REEP3: variants seen among roughly 807,000 people sequenced by gnomAD.
REEP3 encodes receptor expression-enhancing protein 3.
In REEP3, 20 loss-of-function variants were observed where a neutral mutation model predicts 41.3. The observed-to-expected ratio is 0.48, with a 90% CI of 0.34 to 0.70. The LOEUF is 0.70. Among genes scored for constraint, REEP3 ranks in the 30% least tolerant of loss-of-function variants. The pLI, the probability that REEP3 is intolerant of heterozygous loss-of-function variation, is 0.01. For synonymous variants in REEP3, 104 were observed against 101.8 expected, an observed-to-expected ratio of 1.02 and a Z score of -0.13; for missense variants, 271 against 308.8, an observed-to-expected ratio of 0.88 and a Z score of 0.92.
chr10:63,595,877 T>C (rs1294768968), intron 3 of REEP3, among the ~76,000 whole-genome samples: 2 of 152,204 alleles, frequency 1.3e-5, no homozygotes, highest in Non-Finnish European at 2.9e-5. Context: ...TGCACCCAGC[T>C]AAAATGACTC....
intron 3 of REEP3, 30 bp from the exon 4 acceptor site, chr10:63,597,994 C>G: frequency 6.4e-7 from 1 of 1,562,266 alleles, no homozygotes; most frequent in East Asian, 2.3e-5. Context: ...TTTTCACTGG[C>G]AGTTTATTTC....
chr10:63,591,918 T>C (rs1341245892), intron 2 of REEP3, among the ~76,000 whole-genome samples: 1 of 152,258 alleles, frequency 6.6e-6, no homozygotes, highest in Non-Finnish European at 1.5e-5. Flanking sequence ...TTATAGTTGT[T>C]ATCCCCTTGG....
intron 5 of REEP3, among the ~76,000 whole-genome samples, chr10:63,600,919 C>G (rs1031370064): frequency 2.6e-5 from 4 of 151,764 alleles, no homozygotes; most frequent in Admixed American, 6.6e-5. Context: ...TTTGGGAGGC[C>G]GAGGCAGATG....
chr10:63,521,704 G>A (rs927978842), intron 1 of REEP3, 127 bp downstream of exon 1: 2 of 567,262 alleles, frequency 3.5e-6, no homozygotes, highest in Non-Finnish European at 5.3e-6. Flanking sequence ...CCTCGGGCCT[G>A]CCGAGGGTCT....
Position 63,603,892 on chromosome 10 carries a change from C to T in REEP3, c.417+4609C>T, listed in dbSNP as rs1323893929. 3.3e-5 allele frequency among the ~76,000 whole-genome samples: 5 copies of T among 152,256 alleles called. No individual in the cohort carries two copies. In the East Asian group the frequency reaches 9.6e-4, roughly 29 times the overall value. On this transcript the variant is annotated intron_variant, in intron 5 of 7. Transcript: ENST00000373758. ...TGCAGATGTCAAACAAGGGCATTGT[C>T]ATAGAAGAATCACTGAACCAGACAC...
intron 1 of REEP3, among the ~76,000 whole-genome samples, chr10:63,527,450 T>G (rs1365000018): frequency 6.6e-6 from 1 of 152,056 alleles, no homozygotes; most frequent in Non-Finnish European, 1.5e-5. Flanking sequence ...TGCGTATAGA[T>G]TACCTCAGCT....
chr10:63,587,241 A>G (rs1043029451), intron 2 of REEP3, among the ~76,000 whole-genome samples: 1 of 152,198 alleles, frequency 6.6e-6, no homozygotes, highest in Non-Finnish European at 1.5e-5. Context: ...CTGCATGAGA[A>G]CATCAATCCT....
chr10:63,528,839 G>A (rs1014684475), intron 1 of REEP3, among the ~76,000 whole-genome samples: 3 of 152,066 alleles, frequency 2.0e-5, no homozygotes, highest in East Asian at 1.9e-4. Flanking sequence ...TCATTCCCTC[G>A]CTTCCTTCAG....
At chr10:63,609,988 G>T (rs1405389255) in intron 5 of REEP3, among the ~76,000 whole-genome samples, 199 bp from the exon 6 acceptor site, 1 of 152,076 alleles carries the variant, frequency 6.6e-6, no homozygotes, top group Non-Finnish European at 1.5e-5. Flanking sequence ...TGAAATGCAT[G>T]AAAAAATAAA....
rs577536120 is a variant in REEP3 at position 63,599,304 on chromosome 10, T to A, written c.417+21T>A. 4.6e-6 allele frequency: 5 copies of A among 1,098,668 alleles called. No individual in the cohort carries two copies. The African/African-American group carries it at 6.5e-5, about 14-fold the overall frequency. The allele number at this position is 1,098,668 out of a possible 1,614,324, so 68.1% of individuals were successfully genotyped here. On this transcript the variant is annotated intron_variant, in intron 5 of 7. Transcript: ENST00000373758. ...TAAAGGTAATTGTTCATTTACCTTTTTAATCCAATGTCATATTAAGTCAAC... is the reference window on the plus strand; with the variant it reads ...TAAAGGTAATTGTTCATTTACCTTTATAATCCAATGTCATATTAAGTCAAC...
At chr10:63,584,347 G>A (rs1955983213) in intron 2 of REEP3, among the ~76,000 whole-genome samples, 2 of 151,766 alleles carry the variant, frequency 1.3e-5, no homozygotes, top group African/African-American at 2.4e-5. Flanking sequence ...AGATGGGCAT[G>A]GGGGGAGAAG....
chr10:63,561,337 G>A (rs1589867461), intron 1 of REEP3, among the ~76,000 whole-genome samples: 2 of 151,240 alleles, frequency 1.3e-5, no homozygotes, highest in South Asian at 4.2e-4. Flanking sequence ...ATGGAGGAAG[G>A]GTAGATCTTG....
In REEP3 at chr10:63,623,806, TAAA is replaced by T. The variant is rs1956375349; in HGVS notation, c.*2941_*2943del. ...GTGTGTGTGTGTGTGTGTATTTGGC[TAAA>T]AAATTATACTGCCAAAATTACTGAT... On this transcript the variant is annotated 3_prime_UTR_variant, in exon 8 of 8. Transcript: ENST00000373758. The T allele has an allele frequency of 6.5e-6, 1 of 153,002 alleles. No individual in the cohort carries two copies. The highest frequency in any genetic ancestry group is 6.6e-5 in the Admixed American group (1 of 15,136). The allele number at this position is 153,002 out of a possible 1,614,324, so 9.5% of individuals were successfully genotyped here. A position where few individuals can be genotyped will look rare whatever the true frequency, so the allele number is the denominator to read the frequency against.
At chr10:63,584,322 A>C (rs1955982991) in intron 2 of REEP3, among the ~76,000 whole-genome samples, 1 of 151,906 alleles carries the variant, frequency 6.6e-6, no homozygotes, top group African/African-American at 2.4e-5. Flanking sequence ...AGGTGCTGAC[A>C]GTTAAAACCT....
At chr10:63,556,630 T>TTTG (rs1564477638) in intron 1 of REEP3, among the ~76,000 whole-genome samples, 1 of 34,390 alleles carries the variant, frequency 2.9e-5, no homozygotes, top group African/African-American at 8.8e-5. Context: ...TTTTTTGTTG[T>TTTG]TTTGTTTTTT....
intron 1 of REEP3, among the ~76,000 whole-genome samples, chr10:63,536,574 G>A (rs1000292585): frequency 6.6e-6 from 1 of 152,098 alleles, no homozygotes; most frequent in Non-Finnish European, 1.5e-5. Flanking sequence ...TTGTTGCCCA[G>A]TGAGAGTAAA....
chr10:63,559,201 A>G (rs1228726393), intron 1 of REEP3, among the ~76,000 whole-genome samples: 1 of 152,218 alleles, frequency 6.6e-6, no homozygotes, highest in African/African-American at 2.4e-5. Context: ...TAATCTAAAG[A>G]AAATTTCAGG....
At chr10:63,590,350 A>G (rs1956049505) in intron 2 of REEP3, among the ~76,000 whole-genome samples, 1 of 152,202 alleles carries the variant, frequency 6.6e-6, no homozygotes, top group South Asian at 2.1e-4. Context: ...CAGTTGAATC[A>G]GTGAGTGTTA....
chr10:63,566,534 A>G (rs546821109), intron 2 of REEP3, 124 bp downstream of exon 2: 81 of 588,682 alleles, frequency 1.4e-4, no homozygotes, highest in African/African-American at 1.3e-3. Flanking sequence ...ATGAATGTGA[A>G]GTAACAAAAC....
Sources: gnomAD v4.1 joint callset for allele counts (sites outside exome capture counted in the v4.1 genomes callset) on GRCh38, gnomAD v4.1.1 for gene constraint, MANE v1.5 for transcripts, NCBI Gene and HGNC (gene_info 2026-07-23, HGNC 2026-07-21) for gene names.